ADAMTSL1: variants seen among roughly 807,000 people sequenced by gnomAD.
ADAMTSL1 encodes ADAMTS-like protein 1.
A neutral mutation model predicts 201.8 loss-of-function variants in ADAMTSL1; 126 were observed. That is an observed-to-expected ratio of 0.62 (90% CI 0.54 to 0.72). ADAMTSL1 has a LOEUF of 0.72. Ranked by LOEUF, ADAMTSL1 falls within the 30% of genes least tolerant of loss-of-function variation. The pLI is 0.00. For synonymous variants in ADAMTSL1, 1,121 were observed against 903.4 expected, an observed-to-expected ratio of 1.24 and a Z score of -4.32; for missense variants, 2,679 against 2,277.8, an observed-to-expected ratio of 1.18 and a Z score of -3.59.
intron 1 of ADAMTSL1, among the ~76,000 whole-genome samples, chr9:18,004,095 C>G (rs10963392): frequency 0.036 from 5,408 of 151,860 alleles, 206 homozygotes; most frequent in East Asian, 0.23. Flanking sequence ...ATATGGACCA[C>G]TTAATTTATT....
chr9:18,348,157 TTGTTGCTAA>T (rs895443024), intron 2 of ADAMTSL1, among the ~76,000 whole-genome samples: 19 of 152,332 alleles, frequency 1.2e-4, no homozygotes, highest in African/African-American at 4.3e-4. Context: ...AAAATAGCCA[TTGTTGCTAA>T]TAGGAAATTG....
At chr9:18,668,283 G>C (rs948097725) in intron 9 of ADAMTSL1, among the ~76,000 whole-genome samples, 1 of 152,098 alleles carries the variant, frequency 6.6e-6, no homozygotes, top group Non-Finnish European at 1.5e-5. Flanking sequence ...TTCATAATGA[G>C]ATAAATGATA....
At chr9:18,491,974 G>A (rs1424165581) in intron 1 of ADAMTSL1, among the ~76,000 whole-genome samples, 2 of 152,122 alleles carry the variant, frequency 1.3e-5, no homozygotes, top group Non-Finnish European at 1.5e-5. Flanking sequence ...AGGCTATCAT[G>A]TTTTTGAAGT....
intron 1 of ADAMTSL1, among the ~76,000 whole-genome samples, chr9:17,945,733 G>T (rs1463843911): frequency 4.0e-5 from 6 of 148,150 alleles, no homozygotes; most frequent in Non-Finnish European, 5.9e-5. Context: ...ACCAAACACC[G>T]CATATTCTCA....
chr9:17,980,253 A>T (rs914970164), intron 1 of ADAMTSL1, among the ~76,000 whole-genome samples: 1 of 152,072 alleles, frequency 6.6e-6, no homozygotes, highest in African/African-American at 2.4e-5. Flanking sequence ...ATAGTTGTTC[A>T]AATTAATATT....
At chr9:18,120,068 C>A (rs1014155382) in intron 1 of ADAMTSL1, among the ~76,000 whole-genome samples, 1 of 152,162 alleles carries the variant, frequency 6.6e-6, no homozygotes, top group Non-Finnish European at 1.5e-5. Flanking sequence ...ATTCACGGAA[C>A]TGGGAGCAGC....
intron 4 of ADAMTSL1, among the ~76,000 whole-genome samples, chr9:18,613,251 T>C (rs1452889624): frequency 6.6e-6 from 1 of 152,198 alleles, no homozygotes; most frequent in African/African-American, 2.4e-5. Flanking sequence ...GGAACACTTA[T>C]ACACTGTTGG....
intron 2 of ADAMTSL1, among the ~76,000 whole-genome samples, chr9:18,376,181 A>G (rs1157750086): frequency 1.3e-5 from 2 of 152,242 alleles, no homozygotes; most frequent in African/African-American, 4.8e-5. Flanking sequence ...TCCCAAAGTA[A>G]AATAATCATA....
chr9:18,679,145 T>A (rs1830299051), intron 10 of ADAMTSL1, among the ~76,000 whole-genome samples: 1 of 152,042 alleles, frequency 6.6e-6, no homozygotes, highest in Non-Finnish European at 1.5e-5. Context: ...AGAAGAGAAA[T>A]CAAACTCACA....
intron 6 of ADAMTSL1, among the ~76,000 whole-genome samples, chr9:18,637,079 G>A (rs186946128): frequency 3.9e-4 from 60 of 152,246 alleles, no homozygotes; most frequent in African/African-American, 1.4e-3. Context: ...ATAAATACAT[G>A]TCATGGAAGA....
At chr9:18,233,838 C>G (rs1830738387) in intron 2 of ADAMTSL1, among the ~76,000 whole-genome samples, 1 of 152,144 alleles carries the variant, frequency 6.6e-6, no homozygotes, top group Admixed American at 6.5e-5. Context: ...TTTGTGTGGC[C>G]CTGGGGTGGC....
chr9:18,505,222 T>C lies in ADAMTSL1; in HGVS notation c.191+266T>C, dbSNP rs140883059. 2.2e-3 allele frequency among the ~76,000 whole-genome samples: 334 copies of C among 152,348 alleles called. 1 individual carries two copies. The highest frequency in any genetic ancestry group is 7.7e-3 in the African/African-American group (322 of 41,586). ...TATCATCTTTACCAAGCAAATGTTATCTGTTTTCATGTTAGGACTGGAAGG... is the reference window on the plus strand; with the variant it reads ...TATCATCTTTACCAAGCAAATGTTACCTGTTTTCATGTTAGGACTGGAAGG... On this transcript the variant is annotated intron_variant, in intron 2 of 28. Transcript: ENST00000380548.
intron 8 of ADAMTSL1, among the ~76,000 whole-genome samples, chr9:18,660,764 C>T (rs1048778061): frequency 4.6e-5 from 7 of 152,108 alleles, no homozygotes; most frequent in African/African-American, 1.2e-4. Context: ...CCATTGCTTT[C>T]GTTACTTTTC....
intron 2 of ADAMTSL1, among the ~76,000 whole-genome samples, chr9:18,314,129 A>C (rs1415893549): frequency 2.0e-5 from 3 of 152,192 alleles, no homozygotes; most frequent in African/African-American, 4.8e-5. Flanking sequence ...AACCACAGTG[A>C]GATATCATCT....
intron 1 of ADAMTSL1, among the ~76,000 whole-genome samples, chr9:17,928,425 C>A (rs1327937830): frequency 6.6e-6 from 1 of 152,118 alleles, no homozygotes; most frequent in Non-Finnish European, 1.5e-5. Context: ...GGAAATCAGC[C>A]AATGGTTAAA....
intron 1 of ADAMTSL1, among the ~76,000 whole-genome samples, chr9:18,502,110 G>A (rs1004893691): frequency 3.3e-5 from 5 of 152,190 alleles, no homozygotes; most frequent in Admixed American, 2.0e-4. Context: ...TTTGGCATTC[G>A]AGTGTTCTTA....
intron 2 of ADAMTSL1, among the ~76,000 whole-genome samples, chr9:18,219,513 G>T (rs572162026): frequency 1.3e-5 from 2 of 151,910 alleles, no homozygotes; most frequent in Middle Eastern, 3.4e-3. Context: ...GGATTACAAG[G>T]ATGCACCACC....
intron 2 of ADAMTSL1, among the ~76,000 whole-genome samples, chr9:18,169,266 A>G (rs1053620270): frequency 2.6e-5 from 4 of 151,814 alleles, no homozygotes; most frequent in Admixed American, 6.6e-5. Flanking sequence ...TAGGTCTAAC[A>G]TTTAAGTCTT....
intron 1 of ADAMTSL1, among the ~76,000 whole-genome samples, chr9:18,163,687 G>A (rs1827505837): frequency 6.6e-6 from 1 of 151,992 alleles, no homozygotes; most frequent in African/African-American, 2.4e-5. Context: ...CATTGGAGGA[G>A]CCACATGCCA....
Sources: allele counts gnomAD v4.1 joint callset (sites outside exome capture counted in the v4.1 genomes callset), GRCh38; gene constraint gnomAD v4.1.1; transcripts MANE v1.5; gene names NCBI Gene and HGNC (gene_info 2026-07-23, HGNC 2026-07-21).